LPP: variants seen among roughly 807,000 people sequenced by gnomAD.
LPP encodes lipoma-preferred partner.
In LPP, 38 loss-of-function variants were observed where a neutral mutation model predicts 60.4. The ratio of observed to expected loss-of-function variants is 0.63; its 90% CI spans 0.49 to 0.83. The LOEUF (loss-of-function observed/expected upper bound fraction) is 0.83, where lower values mean the gene tolerates loss of function less well. Among genes scored for constraint, LPP ranks in the 40% least tolerant of loss-of-function variants. LPP has a pLI of 0.00. For missense variants in LPP, 902 were observed against 783.6 expected, an observed-to-expected ratio of 1.15 and a Z score of -1.80; for synonymous variants, 328 against 290.8, an observed-to-expected ratio of 1.13 and a Z score of -1.30.
At chr3:188,579,312 A>T (rs765118035) in intron 6 of LPP, among the ~76,000 whole-genome samples, 2 of 152,190 alleles carry the variant, frequency 1.3e-5, no homozygotes, top group Non-Finnish European at 2.9e-5. Flanking sequence ...TGGGAAGAAC[A>T]CTGGGAAAAA....
In LPP at chr3:188,884,159, A is replaced by T. The variant is rs1224068260; in HGVS notation, c.*9680A>T. On this transcript the variant is annotated 3_prime_UTR_variant, in exon 12 of 12. Coordinates refer to ENST00000617246, the MANE Select transcript of LPP (RefSeq NM_001375462.1). The stretch of plus-strand genomic sequence containing the variant: ...ACACAGAAAATAGCGCAGGGAGGAC[A>T]GTTATTAGTACCCCTATTCTAGAAG... 4.4e-6 allele frequency: 1 copy of T among 226,440 alleles called. No individual in the cohort carries two copies. Among genetic ancestry groups the T allele is most frequent in the African/African-American group, 2.2e-5 (1 of 44,938 alleles). The allele number at this position is 226,440 out of a possible 1,614,324, so 14.0% of individuals were successfully genotyped here.
chr3:188,441,769 C>A (rs1287243453), intron 4 of LPP, among the ~76,000 whole-genome samples: 1 of 151,272 alleles, frequency 6.6e-6, no homozygotes, highest in African/African-American at 2.4e-5. Flanking sequence ...TACAGGCGCC[C>A]GCCACCACGC....
rs373981026 is a variant in LPP, at chr3:188,589,542, T to G, written c.430-19619T>G. Among the ~76,000 whole-genome samples the G allele has an allele frequency of 7.9e-5, 12 of 152,340 alleles. No individual in the cohort carries two copies. In the East Asian group the frequency reaches 9.6e-4, roughly 12 times the overall value. On this transcript the variant is annotated intron_variant, in intron 6 of 11. Coordinates refer to ENST00000617246, the MANE Select transcript of LPP (RefSeq NM_001375462.1). The stretch of plus-strand genomic sequence containing the variant: ...CATGCTCATGTGGGTTAAAGCCCAA[T>G]AGATGTATTTTGAAAACTCGAATGC...
At position 188,887,097 on chromosome 3, in the gene LPP, G is replaced by T. The variant is rs1186119016; in HGVS notation, c.*12618G>T. On this transcript the variant is annotated 3_prime_UTR_variant, in exon 12 of 12. Transcript: ENST00000617246. ...GGTGCCTGCTGTGCTTTATCCCGAG[G>T]CATAGCAGTAATCGTTACTATCTTG... 2 of 229,434 alleles carry T rather than the reference G, an allele frequency of 8.7e-6. No individual in the cohort carries two copies. Among genetic ancestry groups the T allele is most frequent in the East Asian group, 6.2e-5 (1 of 16,094 alleles). 14.2% of individuals were successfully genotyped at this position (229,434 alleles called of 1,614,324 possible).
At chr3:188,185,263 G>A (rs1299834450) in intron 1 of LPP, among the ~76,000 whole-genome samples, 2 of 151,764 alleles carry the variant, frequency 1.3e-5, no homozygotes, top group Non-Finnish European at 2.9e-5. Flanking sequence ...TGAAATCGGG[G>A]AGCGGGCGGG....
At chr3:188,270,808 G>A (rs902924939) in intron 2 of LPP, among the ~76,000 whole-genome samples, 3 of 152,158 alleles carry the variant, frequency 2.0e-5, no homozygotes, top group African/African-American at 4.8e-5. Flanking sequence ...GTCACATGTC[G>A]GTTTAATTTG....
chr3:188,496,272 C>T (rs939080356), intron 5 of LPP, among the ~76,000 whole-genome samples: 6 of 151,960 alleles, frequency 3.9e-5, no homozygotes, highest in African/African-American at 1.5e-4. Context: ...ATTACAGGCA[C>T]GTGCCATCAC....
chr3:188,868,274 C>A (rs924226966), intron 10 of LPP, among the ~76,000 whole-genome samples: 1 of 152,162 alleles, frequency 6.6e-6, no homozygotes, highest in Non-Finnish European at 1.5e-5. Flanking sequence ...AAGACTGATA[C>A]ATTACACCCC....
intron 6 of LPP, among the ~76,000 whole-genome samples, chr3:188,585,619 G>C (rs1398508563): frequency 6.6e-6 from 1 of 152,154 alleles, no homozygotes. Flanking sequence ...TACTGCTTTC[G>C]CCCCTGGGCT....
At chr3:188,726,321 A>C (rs578184039) in intron 8 of LPP, among the ~76,000 whole-genome samples, 1 of 152,126 alleles carries the variant, frequency 6.6e-6, no homozygotes, top group Non-Finnish European at 1.5e-5. Flanking sequence ...CTGGGCCTCT[A>C]TCTTGGGTGG....
In LPP at chr3:188,708,356, G is replaced by T. The variant is rs1180938600; in HGVS notation, c.1203G>T (p.Leu401=). The stretch of plus-strand genomic sequence containing the variant: ...TTGAGCACCTGACCAAAAAGATGCT[G>T]TATGACATGGAAAATCCACCTGCTG... The part of the protein sequence containing the change: ...DELEHLTKKM[L]YDMENPPADE... The change falls in exon 8 of 12, where the codon CTG becomes CTT. Residue 401 remains leucine (L), a synonymous_variant. Transcript: ENST00000617246. The T allele has an allele frequency of 6.2e-7, 1 of 1,614,182 alleles. No individual in the cohort carries two copies. The highest frequency in any genetic ancestry group is 8.5e-7 in the Non-Finnish European group (1 of 1,180,016).
In LPP at chr3:188,884,187, A is replaced by G. The variant is rs1215592733; in HGVS notation, c.*9708A>G. 2.2e-5 allele frequency: 5 copies of G among 228,400 alleles called. No homozygotes were observed. The highest frequency in any genetic ancestry group is 1.1e-4 in the Admixed American group (2 of 17,596). The allele number at this position is 228,400 out of a possible 1,614,324, so 14.1% of individuals were successfully genotyped here. Reference sequence around the variant, plus strand: ...TATTAGTACCCCTATTCTAGAAGAGAAAGCTGAGGCTCAAGCCATTAAGTG... The same window carrying G: ...TATTAGTACCCCTATTCTAGAAGAGGAAGCTGAGGCTCAAGCCATTAAGTG... On this transcript the variant is annotated 3_prime_UTR_variant, in exon 12 of 12. Transcript: ENST00000617246.
At position 188,882,529 on chromosome 3, in the gene LPP, TTATTATCACAGAA is replaced by T. The variant is rs1230180603; in HGVS notation, c.*8054_*8066del. The T allele has an allele frequency of 4.5e-6, 1 of 223,824 alleles. No homozygotes were observed. Among genetic ancestry groups the T allele is most frequent in the Non-Finnish European group, 8.9e-6 (1 of 112,342 alleles). 13.9% of individuals were successfully genotyped at this position (223,824 alleles called of 1,614,324 possible). A position where few individuals can be genotyped will look rare whatever the true frequency, so the allele number is the denominator to read the frequency against. On this transcript the variant is annotated 3_prime_UTR_variant, in exon 12 of 12. Transcript: ENST00000617246. The stretch of plus-strand genomic sequence containing the variant: ...GACAGGAAGCAGCCCTCCATGAACT[TTATTATCACAGAA>T]TATGAGCATTCTTATTGATCCACAG...
intron 9 of LPP, among the ~76,000 whole-genome samples, chr3:188,761,485 ACATGTAGAGC>A (rs1256796339): frequency 3.9e-5 from 6 of 152,230 alleles, no homozygotes; most frequent in Non-Finnish European, 8.8e-5. Flanking sequence ...TAGCTTAAAC[ACATGTAGAGC>A]CATACAGTGG....
chr3:188,280,074 C>T (rs1222735300), intron 2 of LPP, among the ~76,000 whole-genome samples: 2 of 152,202 alleles, frequency 1.3e-5, no homozygotes, highest in Admixed American at 1.3e-4. Context: ...AGAGTTTAAT[C>T]AGGCCTGTAG....
chr3:188,351,620 A>G (rs189081902), intron 3 of LPP, among the ~76,000 whole-genome samples: 1 of 152,340 alleles, frequency 6.6e-6, no homozygotes, highest in East Asian at 1.9e-4. Context: ...GTCAGTCATC[A>G]AAAGCTAGAA....
At chr3:188,545,780 A>G (rs1398098621) in intron 6 of LPP, among the ~76,000 whole-genome samples, 2 of 152,118 alleles carry the variant, frequency 1.3e-5, no homozygotes, top group Non-Finnish European at 2.9e-5. Flanking sequence ...CATTGTTATG[A>G]CTTAGTTTTA....
intron 2 of LPP, among the ~76,000 whole-genome samples, chr3:188,311,471 T>TCTAAACTAAACTAAACTAAACTAAA: frequency 7.0e-6 from 1 of 141,946 alleles, no homozygotes; most frequent in East Asian, 2.1e-4. Context: ...AGACCCTATC[T>TCTAAACTAAACTAAACTAAACTAAA]CTAAACTAAA....
chr3:188,172,634 G>C (rs570818211), intron 1 of LPP, among the ~76,000 whole-genome samples: 1 of 152,086 alleles, frequency 6.6e-6, no homozygotes, highest in Non-Finnish European at 1.5e-5. Context: ...AGTAAAAATT[G>C]TACAGGGAAT....
Sources: allele counts gnomAD v4.1 joint callset (sites outside exome capture counted in the v4.1 genomes callset), GRCh38; gene constraint gnomAD v4.1.1; transcripts MANE v1.5; gene names NCBI Gene and HGNC (gene_info 2026-07-23, HGNC 2026-07-21).